PCDHA1: variants seen among roughly 807,000 people sequenced by gnomAD.
The protein encoded by PCDHA1 is protocadherin alpha 1, also known as protocadherin alpha-1.
Under a neutral mutation model 61.3 loss-of-function variants are expected in PCDHA1, and 42 were observed. The observed-to-expected ratio is 0.69, with a 90% CI of 0.54 to 0.89. PCDHA1 has a LOEUF of 0.89. Among genes scored for constraint, PCDHA1 ranks in the 40% least tolerant of loss-of-function variants. The pLI is 0.00. For synonymous variants in PCDHA1, 610 were observed against 553.8 expected, an observed-to-expected ratio of 1.10 and a Z score of -1.43; for missense variants, 1,256 against 1,235.3, an observed-to-expected ratio of 1.02 and a Z score of -0.25.
At chr5:140,813,634 C>T (rs1448214765) in intron 1 of PCDHA1, 3 of 152,156 alleles carry the variant, frequency 2.0e-5, no homozygotes, top group African/African-American at 4.8e-5. Flanking sequence ...AGGCCCAGGA[C>T]ATTACTGTGC....
intron 3 of PCDHA1, among the ~76,000 whole-genome samples, chr5:140,999,635 A>C (rs2097866612): frequency 6.6e-6 from 1 of 152,192 alleles, no homozygotes; most frequent in Non-Finnish European, 1.5e-5. Flanking sequence ...AAGGTAGAGA[A>C]AACTGTGCAG....
At chr5:140,928,977 T>C in intron 1 of PCDHA1, 1 of 1,613,888 alleles carries the variant, frequency 6.2e-7, no homozygotes, top group Non-Finnish European at 8.5e-7. Context: ...CCTTTTTATT[T>C]CTGGGGTGCT....
Position 140,972,800 on chromosome 5 carries a change from A to G in PCDHA1, c.2395-6149A>G, listed in dbSNP as rs937312575. ...TGCCTCAGCCTCCTGAGTAGCTGAGATTACAGGCACGCGCCACCACGCCTG... is the reference window on the plus strand; with the variant it reads ...TGCCTCAGCCTCCTGAGTAGCTGAGGTTACAGGCACGCGCCACCACGCCTG... On this transcript the variant is annotated intron_variant, in intron 1 of 3. Transcript: ENST00000504120. Among the ~76,000 whole-genome samples, 8 of 151,520 alleles carry G rather than the reference A, an allele frequency of 5.3e-5. No individual in the cohort carries two copies. In the South Asian group the frequency reaches 6.3e-4, roughly 12 times the overall value.
intron 1 of PCDHA1, among the ~76,000 whole-genome samples, chr5:140,903,228 C>T (rs1417505177): frequency 1.3e-5 from 2 of 152,112 alleles, no homozygotes; most frequent in Non-Finnish European, 2.9e-5. Flanking sequence ...ACATCTATTA[C>T]TTTTTGATTT....
intron 1 of PCDHA1, chr5:140,870,723 C>A: frequency 1.9e-6 from 3 of 1,613,170 alleles, no homozygotes; most frequent in East Asian, 4.5e-5. Context: ...GCGATGCGGG[C>A]GTGCCGCCTC....
Position 141,010,780 on chromosome 5 carries a change from TGCAAAA to T in PCDHA1, c.*851_*856del, listed in dbSNP as rs1309288663. 1 of 153,816 alleles carries T rather than the reference TGCAAAA, an allele frequency of 6.5e-6. No homozygotes were observed. The highest frequency in any genetic ancestry group is 1.9e-4 in the East Asian group (1 of 5,188). The allele number at this position is 153,816 out of a possible 1,614,324, so 9.5% of individuals were successfully genotyped here. On this transcript the variant is annotated 3_prime_UTR_variant, in exon 4 of 4. Transcript: ENST00000504120. ...AGGCCAGATCCTTTTCCAATACTTATGCAAAAGCAAAAGAAAACCCCGACACCTCAC... is the reference window on the plus strand; with the variant it reads ...AGGCCAGATCCTTTTCCAATACTTATGCAAAAGAAAACCCCGACACCTCAC...
intron 1 of PCDHA1, chr5:140,868,005 T>C (rs1405523098): frequency 6.6e-6 from 1 of 152,108 alleles, no homozygotes; most frequent in East Asian, 1.9e-4. Flanking sequence ...TATAACTGAA[T>C]TAGATTAAGG....
At chr5:140,842,245 G>A in intron 1 of PCDHA1, 1 of 1,611,970 alleles carries the variant, frequency 6.2e-7, no homozygotes. Context: ...GGGGTAATTT[G>A]GATTTTGAAC....
intron 1 of PCDHA1, among the ~76,000 whole-genome samples, chr5:140,881,731 T>C (rs1457530470): frequency 6.6e-6 from 1 of 152,224 alleles, no homozygotes; most frequent in Non-Finnish European, 1.5e-5. Flanking sequence ...TGAAAAATAT[T>C]ACAGGAAGAG....
chr5:140,979,058 C>A, intron 2 of PCDHA1, 51 bp downstream of exon 2: 3 of 1,606,096 alleles, frequency 1.9e-6, no homozygotes, highest in Non-Finnish European at 2.6e-6. Context: ...CTTGGTATGG[C>A]TCAGATAAAC....
At chr5:140,874,111 G>A (rs977519429) in intron 1 of PCDHA1, among the ~76,000 whole-genome samples, 2 of 152,174 alleles carry the variant, frequency 1.3e-5, no homozygotes, top group African/African-American at 2.4e-5. Flanking sequence ...ATTACTTAAC[G>A]TTTTATAGTT....
At chr5:140,877,862 A>T (rs1554170193) in intron 1 of PCDHA1, 1 of 1,505,068 alleles carries the variant, frequency 6.6e-7, no homozygotes, top group East Asian at 2.4e-5. Flanking sequence ...TATTATTTAG[A>T]TATATTTGTT....
intron 1 of PCDHA1, chr5:140,853,806 A>T: frequency 4.1e-6 from 4 of 986,824 alleles, no homozygotes; most frequent in Non-Finnish European, 4.9e-6. Context: ...TTTAAAGCAC[A>T]CCTGAGATGA....
Position 140,834,957 on chromosome 5 carries a change from C to G in PCDHA1, c.2394+46273C>G, listed in dbSNP as rs1222102897. 5.9e-6 allele frequency: 9 copies of G among 1,532,830 alleles called. No homozygotes were observed. In the African/African-American group the frequency reaches 1.2e-4, roughly 20 times the overall value. The allele number at this position is 1,532,830 out of a possible 1,614,324, so 95.0% of individuals were successfully genotyped here. On this transcript the variant is annotated intron_variant, in intron 1 of 3. Coordinates refer to ENST00000504120, the MANE Select transcript of PCDHA1 (RefSeq NM_018900.4). ...AACCAGCAACCAGCAGGTAAAACCT[C>G]TTGGACTTGTATTACGGAAACTTTT...
chr5:140,801,254 G>C, intron 1 of PCDHA1: 1 of 1,613,704 alleles, frequency 6.2e-7, no homozygotes, highest in Non-Finnish European at 8.5e-7. Flanking sequence ...TTTCTCTTCT[G>C]CTCCTCGCAG....
intron 1 of PCDHA1, chr5:140,884,401 G>T (rs781854362): frequency 3.1e-6 from 5 of 1,613,996 alleles, no homozygotes; most frequent in Non-Finnish European, 4.2e-6. Flanking sequence ...CCAGCCTGTT[G>T]GTGCTCACGT....
At chr5:140,808,208 G>A in intron 1 of PCDHA1, 2 of 1,614,260 alleles carry the variant, frequency 1.2e-6, no homozygotes, top group Non-Finnish European at 1.7e-6. Context: ...TGTGGAAGTA[G>A]AAGACAACAA....
intron 1 of PCDHA1, among the ~76,000 whole-genome samples, chr5:140,911,201 C>G: frequency 6.6e-6 from 1 of 152,110 alleles, no homozygotes; most frequent in Non-Finnish European, 1.5e-5. Context: ...GACATGTTGC[C>G]ACTACTGGGG....
intron 1 of PCDHA1, chr5:140,926,708 C>G (rs1554203635): frequency 2.2e-6 from 2 of 896,142 alleles, no homozygotes; most frequent in South Asian, 5.3e-5. Context: ...CCCAGCTGGC[C>G]AGCCCCGGCA....
Sources: gnomAD v4.1 joint callset for allele counts (sites outside exome capture counted in the v4.1 genomes callset) on GRCh38, gnomAD v4.1.1 for gene constraint, MANE v1.5 for transcripts, NCBI Gene and HGNC (gene_info 2026-07-23, HGNC 2026-07-21) for gene names.